MYO16: variants seen among roughly 807,000 people sequenced by gnomAD.
The protein encoded by MYO16 is unconventional myosin-XVI.
In MYO16, 94 loss-of-function variants were observed where a neutral mutation model predicts 205.3. The observed-to-expected ratio is 0.46, with a 90% confidence interval of 0.39 to 0.54. The LOEUF is 0.54. Ranked by LOEUF, MYO16 falls within the 20% of genes least tolerant of loss-of-function variation. The pLI, the probability that MYO16 is intolerant of heterozygous loss-of-function variation, is 0.00. For synonymous variants in MYO16, 988 were observed against 954.0 expected (o/e 1.04, Z -0.66); for missense variants, 2,315 against 2,387.5 (o/e 0.97, Z 0.63).
At chr13:109,006,780 G>A (rs934617152) in intron 21 of MYO16, among the ~76,000 whole-genome samples, 2 of 152,138 alleles carry the variant, frequency 1.3e-5, no homozygotes, top group East Asian at 3.8e-4. Flanking sequence ...GGTTTAGGGT[G>A]CAGATGAGGG....
chr13:108,706,113 G>T (rs1926527), intron 2 of MYO16, among the ~76,000 whole-genome samples: 2 of 151,954 alleles, frequency 1.3e-5, no homozygotes, highest in Admixed American at 6.6e-5. Flanking sequence ...ATTTGATTTC[G>T]TAATAACTCC....
upstream of MYO16, among the ~76,000 whole-genome samples, chr13:108,594,216 C>G (rs1010503675): frequency 6.6e-6 from 1 of 152,232 alleles, no homozygotes; most frequent in African/African-American, 2.4e-5. Context: ...CATGTCCTGA[C>G]AGCATCCAAC....
At chr13:108,731,925 C>T (rs965764225) in intron 4 of MYO16, among the ~76,000 whole-genome samples, 13 of 152,078 alleles carry the variant, frequency 8.5e-5, no homozygotes, top group African/African-American at 2.7e-4. Context: ...ATCAAATGAA[C>T]CCCTGGGAAA....
chr13:108,748,605 G>C (rs140865242), intron 4 of MYO16, among the ~76,000 whole-genome samples: 8 of 152,148 alleles, frequency 5.3e-5, no homozygotes, highest in Admixed American at 3.3e-4. Flanking sequence ...ATCAACACAG[G>C]TTTTCCTGAA....
chr13:109,140,352 G>A lies in MYO16; in HGVS notation c.4140G>A (p.Lys1380=), dbSNP rs1369059642. The A allele has an allele frequency of 6.2e-7, 1 of 1,603,188 alleles. No individual in the cohort carries two copies. Among genetic ancestry groups the A allele is most frequent in the Non-Finnish European group, 8.5e-7 (1 of 1,179,130 alleles). The part of the protein sequence containing the change: ...PRKPKRSPNT[K]LSGSYEEISG... ...AGCCCAAGCGCAGCCCCAACACCAA[G>A]CTCAGCGGCTCCTACGAGGAGATAT... is the stretch of plus-strand genomic sequence containing the variant. The change falls in exon 32 of 35, where the codon AAG becomes AAA. Residue 1380 remains lysine, a synonymous_variant. Transcript: ENST00000457511. The surrounding 1 kb of genome is among the most constrained non-coding windows in gnomAD (Gnocchi z 8.0).
chr13:108,774,243 C>T (rs533477794), intron 4 of MYO16, among the ~76,000 whole-genome samples: 1 of 152,272 alleles, frequency 6.6e-6, no homozygotes, highest in African/African-American at 2.4e-5. Context: ...GGGAAATATA[C>T]ACCTCTTGGT....
rs185745033 is a variant in MYO16 at position 108,829,305 on chromosome 13, T to A, written c.1097+6027T>A. 5.4e-3 allele frequency among the ~76,000 whole-genome samples: 823 copies of A among 152,308 alleles called. 4 individuals carry two copies. Among genetic ancestry groups the A allele is most frequent in the Middle Eastern group, 0.01 (3 of 294 alleles). On this transcript the variant is annotated intron_variant, in intron 9 of 34. Transcript: ENST00000457511. ...GCAATATCTGCCTCATTGTAAGTAC[T>A]AAATAATTGCTTAAGAAATGACCAG...
At chr13:109,201,374 TAA>T (rs1168491069) in intron 34 of MYO16, 1 of 151,528 alleles carries the variant, frequency 6.6e-6, no homozygotes, top group Non-Finnish European at 1.5e-5. Flanking sequence ...TCATGTAATT[TAA>T]AGTCTATAAA....
chr13:108,961,607 G>T lies in MYO16; in HGVS notation c.2106G>T (p.Leu702=). ...TTGGAGACATTCGGTTTACTGCCCTGAATGAGGGGAACTCCGCCTTCGTTT... is the reference window on the plus strand; with the variant it reads ...TTGGAGACATTCGGTTTACTGCCCTTAATGAGGGGAACTCCGCCTTCGTTT... ...LHLGDIRFTA[L]NEGNSAFVSD... is the part of the protein sequence containing the mutation. The change falls in exon 18 of 35, where the codon CTG becomes CTT. Residue 702 remains leucine (L), a synonymous_variant. Coordinates refer to ENST00000457511, the MANE Select transcript of MYO16 (RefSeq NM_001198950.3). 6.2e-7 allele frequency: 1 copy of T among 1,614,134 alleles called. No individual in the cohort carries two copies. Among genetic ancestry groups the T allele is most frequent in the Non-Finnish European group, 8.5e-7 (1 of 1,180,000 alleles).
intron 7 of MYO16, among the ~76,000 whole-genome samples, 171 bp downstream of exon 7, chr13:108,806,975 A>G (rs1887133789): frequency 6.6e-6 from 1 of 152,214 alleles, no homozygotes; most frequent in Admixed American, 6.5e-5. Flanking sequence ...AAATGCTTAT[A>G]CAAGAGCACA....
chr13:108,614,399 C>A (rs1272272688), intron 1 of MYO16, among the ~76,000 whole-genome samples: 5 of 152,020 alleles, frequency 3.3e-5, no homozygotes, highest in South Asian at 2.1e-4. Context: ...AATGCTCCCC[C>A]AAAGTGGCCT....
intron 34 of MYO16, among the ~76,000 whole-genome samples, chr13:109,183,368 C>T (rs556134570): frequency 3.9e-5 from 6 of 152,170 alleles, no homozygotes; most frequent in Non-Finnish European, 8.8e-5. Flanking sequence ...GCATGAAAGT[C>T]ACAGGGAGGT....
At chr13:108,821,195 GTACTT>G (rs138674860) in intron 8 of MYO16, among the ~76,000 whole-genome samples, 1,801 of 152,140 alleles carry the variant, frequency 0.012, 16 homozygotes, top group Non-Finnish European at 0.018. Flanking sequence ...TGACTTAAAT[GTACTT>G]TACTTTTGAG....
At chr13:109,093,495 G>A (rs921902742) in intron 27 of MYO16, among the ~76,000 whole-genome samples, 1 of 152,140 alleles carries the variant, frequency 6.6e-6, no homozygotes, top group African/African-American at 2.4e-5. Context: ...TCCTTCCGAA[G>A]CTCCACCCAA....
At chr13:108,822,936 AC>A (rs1230224194) in intron 8 of MYO16, among the ~76,000 whole-genome samples, 188 bp from the exon 9 acceptor site, 1 of 152,268 alleles carries the variant, frequency 6.6e-6, no homozygotes, top group African/African-American at 2.4e-5. Context: ...CTGATGTAAA[AC>A]AAAATAGTCT....
chr13:108,645,745 A>G (rs1880724492), intron 1 of MYO16, among the ~76,000 whole-genome samples: 1 of 143,474 alleles, frequency 7.0e-6, no homozygotes, highest in Non-Finnish European at 1.5e-5. Flanking sequence ...AAAGGAATGC[A>G]TAATGGCCTC....
intron 20 of MYO16, among the ~76,000 whole-genome samples, chr13:108,968,350 C>T (rs1328714759): frequency 6.6e-6 from 1 of 152,186 alleles, no homozygotes; most frequent in Non-Finnish European, 1.5e-5. Flanking sequence ...TGGCTCATGC[C>T]TGTAATCCCA....
intron 32 of MYO16, among the ~76,000 whole-genome samples, chr13:109,152,478 T>A (rs1877729646): frequency 6.6e-6 from 1 of 152,184 alleles, no homozygotes; most frequent in African/African-American, 2.4e-5. Flanking sequence ...CACCATTCAC[T>A]TACCCAGGCT....
intron 3 of MYO16, among the ~76,000 whole-genome samples, chr13:108,722,866 G>T (rs1884214098): frequency 6.6e-6 from 1 of 151,910 alleles, no homozygotes; most frequent in Non-Finnish European, 1.5e-5. Context: ...ACTGAGTCTA[G>T]TGACAGTTTT....
Sources: gnomAD v4.1 joint callset for allele counts (sites outside exome capture counted in the v4.1 genomes callset) on GRCh38, gnomAD v4.1.1 for gene constraint, Gnocchi (gnomAD v3.1) non-coding constraint, MANE v1.5 for transcripts, NCBI Gene and HGNC (gene_info 2026-07-23, HGNC 2026-07-21) for gene names.